The following MALRD1 variants were observed in gnomAD, a reference collection of about 807,000 sequenced individuals.
MALRD1 encodes the protein MAM and LDL receptor class A domain containing 1, also known as MAM and LDL-receptor class A domain-containing protein 1.
MALRD1 carries 247 observed loss-of-function variants against 242.1 expected under a neutral mutation model. That is an observed-to-expected ratio of 1.02 (90% CI 0.92 to 1.13). MALRD1 has a LOEUF of 1.13. Among genes scored for constraint, MALRD1 ranks in the 50% most tolerant of loss-of-function variants. The pLI is 0.00. For missense variants in MALRD1, 2,989 were observed against 2,533.1 expected, an observed-to-expected ratio of 1.18 and a Z score of -3.86; for synonymous variants, 995 against 866.6, an observed-to-expected ratio of 1.15 and a Z score of -2.60.
chr10:19,184,845 G>A lies in MALRD1; in HGVS notation c.1951+9517G>A, dbSNP rs149940242. Among the ~76,000 whole-genome samples the A allele has an allele frequency of 2.8e-3, 423 of 152,284 alleles. 2 individuals carry two copies. Among genetic ancestry groups the A allele is most frequent in the African/African-American group, 9.7e-3 (405 of 41,566 alleles). On this transcript the variant is annotated intron_variant, in intron 14 of 39. Transcript: ENST00000454679. ...TTACAGGCATGAGCTGCCATGCCTG[G>A]CCTAAATTGTCATTTAATGACATTC...
intron 2 of MALRD1, among the ~76,000 whole-genome samples, chr10:19,068,287 T>G (rs2063758254): frequency 1.3e-5 from 2 of 152,092 alleles, no homozygotes; most frequent in African/African-American, 4.8e-5. Context: ...CTTCTCTCTC[T>G]CTTTCCTTTC....
At chr10:19,237,572 ATATAATTATAATTATATAATTATATAAT>A (rs567267564) in intron 18 of MALRD1, among the ~76,000 whole-genome samples, 51,596 of 93,074 alleles carry the variant, frequency 0.55, 13,758 homozygotes, top group South Asian at 0.68. Flanking sequence ...ATAAAATTAT[ATATAATTATAATTATATAATTATATAAT>A]TATAATTATA....
intron 29 of MALRD1, chr10:19,489,099 G>A (rs1327692326): frequency 6.1e-5 from 28 of 462,744 alleles, no homozygotes; most frequent in Non-Finnish European, 1.3e-5. Context: ...GAGCCAGAAT[G>A]CCCAAGAGGA....
chr10:19,451,721 TCTG>T (rs2131045492), intron 29 of MALRD1, among the ~76,000 whole-genome samples: 1 of 152,350 alleles, frequency 6.6e-6, no homozygotes, highest in South Asian at 2.1e-4. Flanking sequence ...TGTTACAGCA[TCTG>T]CTCTTTTTAT....
At chr10:19,683,163 T>A (rs539617904) in intron 36 of MALRD1, among the ~76,000 whole-genome samples, 97 of 150,872 alleles carry the variant, frequency 6.4e-4, no homozygotes, top group African/African-American at 2.3e-3. Flanking sequence ...GTTTTCAAAA[T>A]GGCAGAATTG....
intron 28 of MALRD1, among the ~76,000 whole-genome samples, chr10:19,439,088 T>C (rs1416015606): frequency 1.3e-5 from 2 of 151,672 alleles, no homozygotes; most frequent in Non-Finnish European, 1.5e-5. Flanking sequence ...ACTTGAAAAC[T>C]ACCAATCTGT....
At chr10:19,470,300 T>C (rs1258526877) in intron 29 of MALRD1, among the ~76,000 whole-genome samples, 1 of 152,078 alleles carries the variant, frequency 6.6e-6, no homozygotes, top group Non-Finnish European at 1.5e-5. Context: ...GGTTGAATAA[T>C]ATTCCATTGC....
At chr10:19,381,398 AT>A (rs1469954187) in intron 26 of MALRD1, among the ~76,000 whole-genome samples, 1 of 152,072 alleles carries the variant, frequency 6.6e-6, no homozygotes, top group Non-Finnish European at 1.5e-5. Context: ...ATAGTTCTTA[AT>A]AGAGTCTTTT....
At chr10:19,240,644 C>A (rs1838722211) in intron 18 of MALRD1, among the ~76,000 whole-genome samples, 1 of 151,920 alleles carries the variant, frequency 6.6e-6, no homozygotes. Flanking sequence ...TGTCTTCCTC[C>A]ATATCATAGA....
At chr10:19,429,524 A>G (rs1266610087) in intron 28 of MALRD1, among the ~76,000 whole-genome samples, 3 of 152,126 alleles carry the variant, frequency 2.0e-5, no homozygotes, top group East Asian at 1.9e-4. Context: ...AGGCCATGCC[A>G]TTGTACCCCA....
At chr10:19,102,544 C>G (rs182835056) in intron 4 of MALRD1, among the ~76,000 whole-genome samples, 1 of 152,200 alleles carries the variant, frequency 6.6e-6, no homozygotes, top group Non-Finnish European at 1.5e-5. Flanking sequence ...TGTTTTGCTG[C>G]ATCCAGATCA....
intron 28 of MALRD1, among the ~76,000 whole-genome samples, chr10:19,444,076 C>A (rs540628015): frequency 6.6e-6 from 1 of 152,216 alleles, no homozygotes; most frequent in African/African-American, 2.4e-5. Context: ...CCCTCTTTGT[C>A]TCTTTTGATC....
At chr10:19,190,619 C>T (rs1336092517) in intron 14 of MALRD1, among the ~76,000 whole-genome samples, 1 of 150,324 alleles carries the variant, frequency 6.7e-6, no homozygotes, top group Admixed American at 6.7e-5. Context: ...GAATAGATTA[C>T]AGAGTCCAGA....
chr10:19,393,612 A>ATTTT (rs71387075), intron 28 of MALRD1, among the ~76,000 whole-genome samples: 4 of 132,416 alleles, frequency 3.0e-5, no homozygotes, highest in Non-Finnish European at 6.4e-5. Flanking sequence ...CGCCTGGCTA[A>ATTTT]TTTTTTTTTT....
chr10:19,195,141 A>G (rs1204444229), intron 14 of MALRD1, among the ~76,000 whole-genome samples: 4 of 152,184 alleles, frequency 2.6e-5, no homozygotes, highest in Non-Finnish European at 1.5e-5. Flanking sequence ...AGCAGCGTAC[A>G]TAGTGTTCAG....
intron 28 of MALRD1, among the ~76,000 whole-genome samples, chr10:19,415,370 C>T (rs1833475085): frequency 6.6e-6 from 1 of 152,034 alleles, no homozygotes; most frequent in African/African-American, 2.4e-5. Context: ...CTGTGATTCC[C>T]CCTTGTGAAT....
chr10:19,111,436 C>T (rs1049884037), intron 5 of MALRD1, among the ~76,000 whole-genome samples: 5 of 152,126 alleles, frequency 3.3e-5, no homozygotes, highest in South Asian at 2.1e-4. Context: ...GAGCCTTTCA[C>T]GTGAATATGA....
At chr10:19,195,914 C>T (rs1004190849) in intron 14 of MALRD1, among the ~76,000 whole-genome samples, 2 of 152,060 alleles carry the variant, frequency 1.3e-5, no homozygotes, top group African/African-American at 2.4e-5. Context: ...ATTTTTCTTC[C>T]GTCTTCTTTG....
intron 19 of MALRD1, among the ~76,000 whole-genome samples, chr10:19,279,363 T>C (rs1840695601): frequency 6.6e-6 from 1 of 152,214 alleles, no homozygotes; most frequent in Admixed American, 6.5e-5. Flanking sequence ...TGATCATTCT[T>C]TGTGTCCATG....
Sources: allele counts gnomAD v4.1 joint callset (sites outside exome capture counted in the v4.1 genomes callset), GRCh38; gene constraint gnomAD v4.1.1; transcripts MANE v1.5; gene names NCBI Gene and HGNC (gene_info 2026-07-23, HGNC 2026-07-21).